The following ACAD11 variants were observed in gnomAD, a reference collection of about 807,000 sequenced individuals.
ACAD11 encodes the protein acyl-CoA dehydrogenase family member 11, also known as acyl-Coenzyme A dehydrogenase family, member 11.
ACAD11 carries 83 observed loss-of-function variants against 102.2 expected under a neutral mutation model. The observed-to-expected ratio is 0.81, with a 90% CI of 0.68 to 0.97. The LOEUF (loss-of-function observed/expected upper bound fraction) is 0.97, where lower values mean the gene tolerates loss of function less well. Among genes scored for constraint, ACAD11 ranks in the 50% least tolerant of loss-of-function variants. The pLI is 0.00. For synonymous variants in ACAD11, 324 were observed against 319.8 expected, an observed-to-expected ratio of 1.01 and a Z score of -0.14; for missense variants, 901 against 951.7, an observed-to-expected ratio of 0.95 and a Z score of 0.70.
At chr3:132,655,802 T>G (rs914809195) in intron 1 of ACAD11, among the ~76,000 whole-genome samples, 8 of 152,244 alleles carry the variant, frequency 5.3e-5, no homozygotes, top group African/African-American at 1.9e-4. Flanking sequence ...AGATACATAT[T>G]AGGCACTCAG....
At chr3:132,633,628 GGAATAGTTT>G (rs1940142855) in intron 5 of ACAD11, among the ~76,000 whole-genome samples, 1 of 152,054 alleles carries the variant, frequency 6.6e-6, no homozygotes, top group Non-Finnish European at 1.5e-5. Flanking sequence ...TGTATTGATT[GGAATAGTTT>G]CAGAAGGAAT....
At chr3:132,590,367 C>T (rs1938026396) in intron 13 of ACAD11, among the ~76,000 whole-genome samples, 2 of 152,168 alleles carry the variant, frequency 1.3e-5, no homozygotes, top group Admixed American at 6.6e-5. Context: ...AAGTGATTCT[C>T]GTGCCTTGGC....
At chr3:132,569,487 G>A (rs959528910) in intron 17 of ACAD11, among the ~76,000 whole-genome samples, 6 of 152,056 alleles carry the variant, frequency 3.9e-5, no homozygotes, top group East Asian at 1.9e-4. Flanking sequence ...TCTGAGAAAC[G>A]AAAAATTATA....
chr3:132,593,135 T>C (rs1938151064), intron 13 of ACAD11, among the ~76,000 whole-genome samples: 1 of 151,512 alleles, frequency 6.6e-6, no homozygotes, highest in Admixed American at 6.6e-5. Flanking sequence ...AAATGATAAA[T>C]GAAATCAAAA....
In ACAD11 at chr3:132,619,450, C is replaced by T. The variant is rs776935485; in HGVS notation, c.1275+18G>A. On this transcript the variant is annotated intron_variant, in intron 10 of 19. Transcript: ENST00000264990. Reference sequence around the variant, plus strand: ...AAACACTTGCATATGAATTTTCTAGCGTTAAAGATTTTCTTACCTTGAGTT... The same window carrying T: ...AAACACTTGCATATGAATTTTCTAGTGTTAAAGATTTTCTTACCTTGAGTT... 13 of 1,533,880 alleles carry T rather than the reference C, an allele frequency of 8.5e-6. No homozygotes were observed. Among genetic ancestry groups the T allele is most frequent in the East Asian group, 7.1e-5 (3 of 42,158 alleles).
chr3:132,656,432 A>G (rs1309341040), intron 1 of ACAD11, among the ~76,000 whole-genome samples: 1 of 152,000 alleles, frequency 6.6e-6, no homozygotes, highest in African/African-American at 2.4e-5. Context: ...AATAGCAGCT[A>G]TACTAATTCA....
At chr3:132,579,000 C>T in intron 14 of ACAD11, 119 bp from the exon 15 acceptor site, 2 of 1,534,868 alleles carry the variant, frequency 1.3e-6, no homozygotes, top group Non-Finnish European at 1.8e-6. Flanking sequence ...GCAGTGATGA[C>T]TGGAATGGGA....
At chr3:132,620,884 A>C (rs1163356928) in intron 9 of ACAD11, among the ~76,000 whole-genome samples, 2 of 152,198 alleles carry the variant, frequency 1.3e-5, no homozygotes, top group African/African-American at 4.8e-5. Context: ...CAATTCTCAC[A>C]CACTCCAAAA....
chr3:132,606,913 G>A (rs1216049745), intron 11 of ACAD11, among the ~76,000 whole-genome samples: 2 of 152,202 alleles, frequency 1.3e-5, no homozygotes, highest in Non-Finnish European at 2.9e-5. Flanking sequence ...GCACCTCAGG[G>A]ATGAAACTTC....
chr3:132,653,729 A>G (rs1342190934), intron 1 of ACAD11, among the ~76,000 whole-genome samples: 2 of 152,058 alleles, frequency 1.3e-5, no homozygotes, highest in Non-Finnish European at 2.9e-5. Flanking sequence ...TTTCAAGATC[A>G]CTAATACAAA....
At chr3:132,622,984 T>A (rs1204199362) in intron 9 of ACAD11, among the ~76,000 whole-genome samples, 2 of 152,200 alleles carry the variant, frequency 1.3e-5, no homozygotes, top group African/African-American at 4.8e-5. Context: ...GTTCTCACTG[T>A]GTTATGTTGC....
intron 5 of ACAD11, among the ~76,000 whole-genome samples, chr3:132,633,628 G>T (rs913315472): frequency 6.6e-6 from 1 of 152,052 alleles, no homozygotes; most frequent in Non-Finnish European, 1.5e-5. Context: ...TGTATTGATT[G>T]GAATAGTTTC....
chr3:132,657,483 G>T (rs1220630060), intron 1 of ACAD11, among the ~76,000 whole-genome samples: 1 of 152,100 alleles, frequency 6.6e-6, no homozygotes, highest in Non-Finnish European at 1.5e-5. Flanking sequence ...TTAGGATTTT[G>T]ATTGTCATTG....
chr3:132,618,853 A>G, intron 10 of ACAD11, 81 bp from the exon 11 acceptor site: 2 of 1,311,600 alleles, frequency 1.5e-6, no homozygotes, highest in Non-Finnish European at 2.0e-6. Context: ...AAATATTGGT[A>G]TTTATGATCT....
At chr3:132,566,426 G>A (rs1035354900) in intron 17 of ACAD11, among the ~76,000 whole-genome samples, 2 of 152,032 alleles carry the variant, frequency 1.3e-5, no homozygotes, top group South Asian at 2.1e-4. Context: ...AGAAACAATG[G>A]TTGAAAACAT....
intron 13 of ACAD11, chr3:132,601,834 A>T: frequency 3.1e-6 from 1 of 325,346 alleles, no homozygotes; most frequent in Non-Finnish European, 6.2e-6. Flanking sequence ...CCTGGTTTTG[A>T]CATTATAGTA....
chr3:132,581,003 G>A lies in ACAD11; in HGVS notation c.1622-1445C>T, dbSNP rs905551965. On this transcript the variant is annotated intron_variant, in intron 13 of 19. Transcript: ENST00000264990. ...GAATAATTTATTGAAGAAATGAGCA[G>A]AAGAACATTTTCTAGAACTGAAGAA... 2.1e-4 allele frequency among the ~76,000 whole-genome samples: 32 copies of A among 151,934 alleles called. 1 individual carries two copies. Among genetic ancestry groups the A allele is most frequent in the Admixed American group, 6.6e-5 (1 of 15,242 alleles).
At position 132,561,089 on chromosome 3, in the gene ACAD11, A is replaced by G. The variant is rs535883646; in HGVS notation, c.2118+12T>C. On this transcript the variant is annotated intron_variant, in intron 18 of 19. Coordinates refer to ENST00000264990, the MANE Select transcript of ACAD11 (RefSeq NM_032169.5). ...CAGCAGTTGGTGGTCTGAGGGGAGA[A>G]GGTAGCCTCACCTCTTTCTTAGCGC... 38 of 1,594,424 alleles carry G rather than the reference A, an allele frequency of 2.4e-5. No homozygotes were observed. The East Asian group carries it at 6.9e-4, about 29-fold the overall frequency.
intron 17 of ACAD11, among the ~76,000 whole-genome samples, chr3:132,563,505 G>C (rs1021179653): frequency 6.6e-6 from 1 of 151,904 alleles, no homozygotes; most frequent in East Asian, 1.9e-4. Context: ...GATATTGTAC[G>C]TGTTTTGGTA....
Sources: gnomAD v4.1 joint callset for allele counts (sites outside exome capture counted in the v4.1 genomes callset) on GRCh38, gnomAD v4.1.1 for gene constraint, MANE v1.5 for transcripts, NCBI Gene and HGNC (gene_info 2026-07-23, HGNC 2026-07-21) for gene names.